Variants in CEP170 observed in about 807,000 individuals in gnomAD.
CEP170 encodes the protein centrosomal protein 170.
CEP170 carries 21 observed loss-of-function variants against 151.9 expected under a neutral mutation model. The ratio of observed to expected loss-of-function variants is 0.14; its 90% CI spans 0.10 to 0.20. The LOEUF is 0.20. Ranked by LOEUF, CEP170 falls within the 10% of genes least tolerant of loss-of-function variation. The probability of loss-of-function intolerance (pLI) is 1.00; values close to 1 mark genes in which losing one functional copy is unlikely to be tolerated. For missense variants in CEP170, 964 were observed against 1,892.9 expected (o/e 0.51, Z 9.11); for synonymous variants, 356 against 648.8 (o/e 0.55, Z 6.86).
At chr1:243,152,123 G>A (rs770459448) in intron 14 of CEP170, among the ~76,000 whole-genome samples, 1 of 152,074 alleles carries the variant, frequency 6.6e-6, no homozygotes, top group South Asian at 2.1e-4. Context: ...AATGTACCTG[G>A]TTACCTAAGA....
At chr1:243,248,786 C>T (rs908221444) in intron 1 of CEP170, among the ~76,000 whole-genome samples, 1 of 152,182 alleles carries the variant, frequency 6.6e-6, no homozygotes, top group Non-Finnish European at 1.5e-5. Context: ...TCAAAATCCT[C>T]CAATGAATGC....
intron 2 of CEP170, 88 bp from the exon 3 acceptor site, chr1:243,221,901 G>T: frequency 8.9e-7 from 1 of 1,123,074 alleles, no homozygotes; most frequent in Non-Finnish European, 1.3e-6. Flanking sequence ...ATATTAATAG[G>T]ACAGTAAATA....
chr1:243,165,724 C>T lies in CEP170; in HGVS notation c.2236G>A (p.Ala746Thr). ...KETSLVKQTL[A>T]KLQQQEQREE... is the part of the protein sequence containing the mutation. ...CTTTGTTCTTGTTGTTGAAGTTTTGCTAATGTTTGCTTTACCAAAGAAGTT... is the reference window on the plus strand; with the variant it reads ...CTTTGTTCTTGTTGTTGAAGTTTTGTTAATGTTTGCTTTACCAAAGAAGTT... Residue 746 changes from alanine to threonine, a missense_variant, in exon 13 of 20, where the codon GCA (alanine) becomes ACA (threonine). Physicochemically the swap from Ala to Thr is moderately conservative, Grantham distance 58. Coordinates refer to ENST00000366542, the MANE Select transcript of CEP170 (RefSeq NM_014812.3). The T allele has an allele frequency of 6.2e-7, 1 of 1,614,070 alleles. No homozygotes were observed. The highest frequency in any genetic ancestry group is 8.5e-7 in the Non-Finnish European group (1 of 1,179,902).
rs546904481 is a variant in CEP170, at chr1:243,161,175, C to T, written c.3676+3109G>A. Reference sequence around the variant, plus strand: ...AAAATTAGGCGGGCATGGTGGCACACGCCTGTAATCCCAGCTACTTGGGAG... The same window carrying T: ...AAAATTAGGCGGGCATGGTGGCACATGCCTGTAATCCCAGCTACTTGGGAG... On this transcript the variant is annotated intron_variant, in intron 13 of 19. Coordinates refer to ENST00000366542, the MANE Select transcript of CEP170 (RefSeq NM_014812.3). Among the ~76,000 whole-genome samples the T allele has an allele frequency of 4.6e-5, 7 of 151,720 alleles. No individual in the cohort carries two copies. The South Asian group carries it at 6.3e-4, about 14-fold the overall frequency.
At chr1:243,131,820 TA>T (rs2054454584) in intron 17 of CEP170, among the ~76,000 whole-genome samples, 1 of 152,356 alleles carries the variant, frequency 6.6e-6, no homozygotes, top group African/African-American at 2.4e-5. Context: ...TTCCAAAGCT[TA>T]TTTCATTCAA....
chr1:243,142,242 T>C (rs755563841), intron 15 of CEP170, 74 bp downstream of exon 15: 8 of 1,603,838 alleles, frequency 5.0e-6, no homozygotes, highest in African/African-American at 1.3e-5. Context: ...TGAAATAAAC[T>C]AAGCAAAAAG....
chr1:243,210,369 C>A (rs1223331274), intron 4 of CEP170, among the ~76,000 whole-genome samples: 2 of 151,894 alleles, frequency 1.3e-5, no homozygotes, highest in Non-Finnish European at 2.9e-5. Flanking sequence ...TGTATTTGTT[C>A]TTGATGAAAC....
chr1:243,217,177 A>G, intron 3 of CEP170, among the ~76,000 whole-genome samples: 1 of 152,230 alleles, frequency 6.6e-6, no homozygotes, highest in Non-Finnish European at 1.5e-5. Context: ...TTATGGTACC[A>G]CTGCCGTGTA....
rs2059906612 is a variant in CEP170 at position 243,185,881 on chromosome 1, A to G, written c.1464T>C (p.Ser488=). 1 of 1,613,526 alleles carries G rather than the reference A, an allele frequency of 6.2e-7. No individual in the cohort carries two copies. The highest frequency in any genetic ancestry group is 8.5e-7 in the Non-Finnish European group (1 of 1,179,696). ...TTTGGTCATCATCATTATCCTTTTC[A>G]GAAGTAGCAGAAGTTGCTTGATTTT... ...MLKNQATSAT[S]EKDNDDDQSD... Residue 488 remains serine, a synonymous_variant, in exon 10 of 20, where the codon TCT becomes TCC. Transcript: ENST00000366542. The surrounding 1 kb of genome is among the most constrained non-coding windows in gnomAD (Gnocchi z 4.9).
At chr1:243,230,364 A>T (rs970940669) in intron 1 of CEP170, among the ~76,000 whole-genome samples, 7 of 152,170 alleles carry the variant, frequency 4.6e-5, no homozygotes, top group South Asian at 2.1e-4. Flanking sequence ...AAAATAACAT[A>T]ATGAAAATAA....
chr1:243,146,445 T>C (rs1211868802), intron 14 of CEP170, among the ~76,000 whole-genome samples: 1 of 152,178 alleles, frequency 6.6e-6, no homozygotes, highest in Non-Finnish European at 1.5e-5. Flanking sequence ...GAGTCAAGGA[T>C]CCTGTATCAG....
intron 1 of CEP170, among the ~76,000 whole-genome samples, chr1:243,235,738 C>T (rs2064189589): frequency 6.6e-6 from 1 of 150,586 alleles, no homozygotes. Flanking sequence ...AATACCACAC[C>T]ACATATTCTA....
At chr1:243,170,700 A>G (rs2058775457) in intron 11 of CEP170, among the ~76,000 whole-genome samples, 1 of 152,210 alleles carries the variant, frequency 6.6e-6, no homozygotes, top group Admixed American at 6.5e-5. Flanking sequence ...AGGCTGAGGC[A>G]GGGGAATCGC....
At chr1:243,133,204 C>G (rs964758416) in intron 17 of CEP170, among the ~76,000 whole-genome samples, 1 of 152,140 alleles carries the variant, frequency 6.6e-6, no homozygotes, top group African/African-American at 2.4e-5. Flanking sequence ...TCCCAAGTGC[C>G]CTTGCTATGG....
At chr1:243,230,155 A>C (rs1235971699) in intron 1 of CEP170, among the ~76,000 whole-genome samples, 1 of 152,058 alleles carries the variant, frequency 6.6e-6, no homozygotes, top group Non-Finnish European at 1.5e-5. Flanking sequence ...ATTCAAGACC[A>C]GCCTGGGCAA....
At chr1:243,233,870 A>G (rs1399842067) in intron 1 of CEP170, among the ~76,000 whole-genome samples, 1 of 151,956 alleles carries the variant, frequency 6.6e-6, no homozygotes, top group Non-Finnish European at 1.5e-5. Context: ...GAGACAGGCA[A>G]TAATAAGTAA....
chr1:243,144,089 T>C (rs1173104393), intron 14 of CEP170, among the ~76,000 whole-genome samples: 1 of 152,232 alleles, frequency 6.6e-6, no homozygotes, highest in African/African-American at 2.4e-5. Flanking sequence ...TGATTGCTTA[T>C]GATGTGCCAG....
intron 17 of CEP170, among the ~76,000 whole-genome samples, chr1:243,134,849 G>A (rs1280940286): frequency 2.0e-5 from 3 of 151,724 alleles, no homozygotes; most frequent in African/African-American, 7.3e-5. Flanking sequence ...AATATGGAGG[G>A]GTCTGTCAAT....
chr1:243,172,880 A>G lies in CEP170; in HGVS notation c.1567-34T>C. On this transcript the variant is annotated intron_variant, in intron 10 of 19. Transcript: ENST00000366542. ...AAAAATTATTTTATAAATGAAAACG[A>G]AAAGTCTGAACACAAGATTAATATG... 2.0e-6 allele frequency: 3 copies of G among 1,513,370 alleles called. No homozygotes were observed. In the East Asian group the frequency reaches 7.4e-5, roughly 37 times the overall value. 93.7% of individuals were successfully genotyped at this position (1,513,370 alleles called of 1,614,324 possible).
Sources: allele counts gnomAD v4.1 joint callset (sites outside exome capture counted in the v4.1 genomes callset), GRCh38; gene constraint gnomAD v4.1.1; non-coding constraint Gnocchi (gnomAD v3.1); transcripts MANE v1.5; gene names NCBI Gene and HGNC (gene_info 2026-07-23, HGNC 2026-07-21).